Variants in ANKRD22 observed in about 807,000 individuals in gnomAD.
ANKRD22 encodes ankyrin repeat domain-containing protein 22.
A neutral mutation model predicts 25.7 loss-of-function variants in ANKRD22; 24 were observed. The observed-to-expected ratio is 0.93, with a 90% CI of 0.68 to 1.31. The LOEUF is 1.31. Among genes scored for constraint, ANKRD22 ranks in the 50% most tolerant of loss-of-function variants. The pLI, the probability that ANKRD22 is intolerant of heterozygous loss-of-function variation, is 0.00. For missense variants in ANKRD22, 214 were observed against 227.1 expected, an observed-to-expected ratio of 0.94 and a Z score of 0.37; for synonymous variants, 84 against 84.3, an observed-to-expected ratio of 1.00 and a Z score of 0.02.
At chr10:88,831,255 T>G (rs1484150940) in intron 2 of ANKRD22, among the ~76,000 whole-genome samples, 1 of 152,240 alleles carries the variant, frequency 6.6e-6, no homozygotes, top group Non-Finnish European at 1.5e-5. Flanking sequence ...CTTCTCTTTC[T>G]TGGTCCTGAA....
chr10:88,840,109 A>G (rs1008138052), intron 1 of ANKRD22, among the ~76,000 whole-genome samples: 11 of 152,182 alleles, frequency 7.2e-5, no homozygotes, highest in African/African-American at 2.7e-4. Flanking sequence ...ATAATGGAAC[A>G]TTAGGAAAAA....
At position 88,828,594 on chromosome 10, in the gene ANKRD22, A is replaced by T. The variant is rs1001005674; in HGVS notation, c.286T>A (p.Leu96Ile). 1.2e-6 allele frequency: 2 copies of T among 1,611,272 alleles called. No individual in the cohort carries two copies. The highest frequency in any genetic ancestry group is 1.7e-6 in the Non-Finnish European group (2 of 1,178,094). The change falls in exon 3 of 6, where the codon TTA becomes ATA. Residue 96 changes from leucine to isoleucine, a missense_variant. Coordinates refer to ENST00000371930, the MANE Select transcript of ANKRD22 (RefSeq NM_144590.3). Reference sequence around the variant, plus strand: ...TACCCAATAAGCAGAACAGGCATTAAGAGGATAATTAGTAGATAATCAATG... The same window carrying T: ...TACCCAATAAGCAGAACAGGCATTATGAGGATAATTAGTAGATAATCAATG... ...TFIDYLLIIL[L>I]MPVLLIGYFL...
intron 1 of ANKRD22, among the ~76,000 whole-genome samples, chr10:88,836,908 T>A (rs890291411): frequency 6.6e-6 from 1 of 152,194 alleles, no homozygotes; most frequent in African/African-American, 2.4e-5. Flanking sequence ...TTAGCAGCCA[T>A]GCAGAGGCCA....
At chr10:88,851,535 C>T (rs1844104537) in intron 1 of ANKRD22, 52 bp downstream of exon 1, 3 of 1,599,644 alleles carry the variant, frequency 1.9e-6, no homozygotes, top group Admixed American at 3.3e-5. Flanking sequence ...ATCTGAAAAG[C>T]ATGAGTAACT....
rs190746324 is a variant in ANKRD22, at chr10:88,844,994, T to C, written c.21+6593A>G. 2.0e-5 allele frequency among the ~76,000 whole-genome samples: 3 copies of C among 152,226 alleles called. No homozygotes were observed. In the East Asian group the frequency reaches 5.8e-4, roughly 29 times the overall value. On this transcript the variant is annotated intron_variant, in intron 1 of 5. Transcript: ENST00000371930. ...TAGCTGGCTTCTTAACAATTATACATTCCTGCTGTGGGCTCTTAGACAAGG... is the reference window on the plus strand; with the variant it reads ...TAGCTGGCTTCTTAACAATTATACACTCCTGCTGTGGGCTCTTAGACAAGG...
intron 2 of ANKRD22, among the ~76,000 whole-genome samples, chr10:88,828,876 C>T (rs1441518641): frequency 6.6e-6 from 1 of 152,122 alleles, no homozygotes; most frequent in Admixed American, 6.6e-5. Flanking sequence ...TAGGGAAGGG[C>T]TCCTGGGAGT....
At chr10:88,844,548 TA>T (rs1210319381) in intron 1 of ANKRD22, among the ~76,000 whole-genome samples, 1 of 152,120 alleles carries the variant, frequency 6.6e-6, no homozygotes, top group African/African-American at 2.4e-5. Context: ...ACTTTAAGAT[TA>T]GGGGAGCTAT....
chr10:88,844,236 G>A (rs1244339786), intron 1 of ANKRD22, among the ~76,000 whole-genome samples: 1 of 152,164 alleles, frequency 6.6e-6, no homozygotes, highest in African/African-American at 2.4e-5. Flanking sequence ...AGGAAGGTCA[G>A]CATGGCTGCA....
chr10:88,850,606 T>C (rs958450393), intron 1 of ANKRD22, among the ~76,000 whole-genome samples: 1 of 152,280 alleles, frequency 6.6e-6, no homozygotes, highest in Admixed American at 6.5e-5. Context: ...CTTCTCTCCC[T>C]GACACTTGGG....
chr10:88,828,733 T>A (rs1477780502), intron 2 of ANKRD22, 67 bp from the exon 3 acceptor site: 12 of 1,212,650 alleles, frequency 9.9e-6, no homozygotes, highest in Non-Finnish European at 1.4e-5. Flanking sequence ...CAGATGGCCA[T>A]CTCAAAAAGT....
At chr10:88,832,810 C>T (rs1311635265) in intron 1 of ANKRD22, among the ~76,000 whole-genome samples, 1 of 152,180 alleles carries the variant, frequency 6.6e-6, no homozygotes, top group Non-Finnish European at 1.5e-5. Flanking sequence ...ATCTTGTCCT[C>T]TTTCCCTCCT....
rs1843818348 is a variant in ANKRD22, at chr10:88,823,272, T to C, written c.498+8A>G. 1.2e-6 allele frequency: 2 copies of C among 1,606,468 alleles called. No homozygotes were observed. Among genetic ancestry groups the C allele is most frequent in the South Asian group, 2.2e-5 (2 of 90,900 alleles). Reference sequence around the variant, plus strand: ...AGGAACCTCAGACCACGGTCCACCCTCCCTTACCTTATTCTTTATTGTGGG... The same window carrying C: ...AGGAACCTCAGACCACGGTCCACCCCCCCTTACCTTATTCTTTATTGTGGG... On this transcript the variant is annotated splice_region_variant and intron_variant, in intron 5 of 5. Coordinates refer to ENST00000371930, the MANE Select transcript of ANKRD22 (RefSeq NM_144590.3).
At chr10:88,840,471 T>A (rs1043857637) in intron 1 of ANKRD22, among the ~76,000 whole-genome samples, 1 of 152,172 alleles carries the variant, frequency 6.6e-6, no homozygotes, top group African/African-American at 2.4e-5. Flanking sequence ...ACCCCCACTT[T>A]TTAGTGTTGT....
At chr10:88,829,913 A>T (rs1052105668) in intron 2 of ANKRD22, among the ~76,000 whole-genome samples, 9 of 152,174 alleles carry the variant, frequency 5.9e-5, no homozygotes, top group African/African-American at 1.9e-4. Flanking sequence ...AGTAGCTGGG[A>T]CTACAAACAT....
rs746376038 is a variant in ANKRD22 at position 88,820,351 on chromosome 10, C to T, written c.*2590G>A. 3 of 1,552,312 alleles carry T rather than the reference C, an allele frequency of 1.9e-6. No homozygotes were observed. The South Asian group carries it at 3.6e-5, about 18-fold the overall frequency. On this transcript the variant is annotated 3_prime_UTR_variant, in exon 6 of 6. Coordinates refer to ENST00000371930, the MANE Select transcript of ANKRD22 (RefSeq NM_144590.3). ...AAATGCTGCTCTCTGAGGTGACCAACCTCATCTACCATAAGAATATTCCTG... is the reference window on the plus strand; with the variant it reads ...AAATGCTGCTCTCTGAGGTGACCAATCTCATCTACCATAAGAATATTCCTG...
rs1478563415 is a variant in ANKRD22 at position 88,820,146 on chromosome 10, A to G, written c.*2795T>C. On this transcript the variant is annotated 3_prime_UTR_variant, in exon 6 of 6. Coordinates refer to ENST00000371930, the MANE Select transcript of ANKRD22 (RefSeq NM_144590.3). ...TGTACCCTTCACCACAACAGATGGC[A>G]TGTTTATTATGTCTATTTGAAACAT... The G allele has an allele frequency of 1.8e-6, 2 of 1,097,286 alleles. No individual in the cohort carries two copies. The highest frequency in any genetic ancestry group is 1.6e-5 in the South Asian group (1 of 62,588). 68.0% of individuals were successfully genotyped at this position (1,097,286 alleles called of 1,614,324 possible).
Position 88,823,497 on chromosome 10 carries a change from G to A in ANKRD22, c.400-119C>T. ...TAGTATACAACTAAGCAGAAAAATA[G>A]TCTGCAAACCATTGATAGACAACTA... On this transcript the variant is annotated intron_variant, in intron 4 of 5. Transcript: ENST00000371930. 5.2e-6 allele frequency: 4 copies of A among 775,784 alleles called. No homozygotes were observed. The South Asian group carries it at 6.5e-5, about 13-fold the overall frequency. 48.1% of individuals were successfully genotyped at this position (775,784 alleles called of 1,614,324 possible).
intron 3 of ANKRD22, among the ~76,000 whole-genome samples, chr10:88,826,809 A>G (rs915324647): frequency 6.6e-6 from 1 of 152,112 alleles, no homozygotes; most frequent in Non-Finnish European, 1.5e-5. Context: ...GTAATTTTAC[A>G]TGTGTTTGTG....
intron 1 of ANKRD22, among the ~76,000 whole-genome samples, chr10:88,849,165 T>C (rs1844081024): frequency 4.6e-5 from 7 of 152,176 alleles, no homozygotes; most frequent in Admixed American, 4.6e-4. Context: ...CAAAAGTCTG[T>C]AAAAGATTCT....
Sources: allele counts gnomAD v4.1 joint callset (sites outside exome capture counted in the v4.1 genomes callset), GRCh38; gene constraint gnomAD v4.1.1; transcripts MANE v1.5; gene names NCBI Gene and HGNC (gene_info 2026-07-23, HGNC 2026-07-21).